SLC44A5: variants seen among roughly 807,000 people sequenced by gnomAD.
SLC44A5 encodes the protein choline transporter-like protein 5.
Under a neutral mutation model 101.8 loss-of-function variants are expected in SLC44A5, and 57 were observed. The observed-to-expected ratio is 0.56, with a 90% CI of 0.45 to 0.70. The LOEUF (loss-of-function observed/expected upper bound fraction) is 0.70, where lower values mean the gene tolerates loss of function less well. Among genes scored for constraint, SLC44A5 ranks in the 30% least tolerant of loss-of-function variants. The pLI, the probability that SLC44A5 is intolerant of heterozygous loss-of-function variation, is 0.00. For missense variants in SLC44A5, 737 were observed against 853.1 expected (o/e 0.86, Z 1.70); for synonymous variants, 281 against 290.9 (o/e 0.97, Z 0.35).
At chr1:75,647,541 A>G in the SLC44A5 span, among the ~76,000 whole-genome samples, 1 of 152,166 alleles carries the variant, frequency 6.6e-6, no homozygotes, top group Non-Finnish European at 1.5e-5. Context: ...GCACCTGGAA[A>G]AGCCACAGAT....
intron 5 of SLC44A5, among the ~76,000 whole-genome samples, chr1:75,283,340 A>T (rs1049825611): frequency 6.6e-6 from 1 of 151,756 alleles, no homozygotes; most frequent in East Asian, 1.9e-4. Flanking sequence ...CTTTTTGATC[A>T]GATTCTTTGG....
At chr1:75,240,095 C>T (rs1367615450) in intron 9 of SLC44A5, among the ~76,000 whole-genome samples, 4 of 151,912 alleles carry the variant, frequency 2.6e-5, no homozygotes, top group South Asian at 4.2e-4. Flanking sequence ...TAAATGTGTT[C>T]ATTACATATT....
the SLC44A5 span, among the ~76,000 whole-genome samples, chr1:75,678,231 AGG>A: frequency 2.6e-5 from 4 of 152,168 alleles, no homozygotes; most frequent in Non-Finnish European, 4.4e-5. Context: ...ACAAAGCAGC[AGG>A]GAAGCTCGAA....
the SLC44A5 span, among the ~76,000 whole-genome samples, chr1:75,626,407 G>A: frequency 6.6e-6 from 1 of 152,130 alleles, no homozygotes; most frequent in African/African-American, 2.4e-5. Context: ...CTGCAATGGT[G>A]TTCCATTGCT....
At chr1:75,453,111 T>G (rs2101666779) in intron 2 of SLC44A5, among the ~76,000 whole-genome samples, 1 of 152,230 alleles carries the variant, frequency 6.6e-6, no homozygotes, top group East Asian at 1.9e-4. Context: ...CACACAGAAA[T>G]TAATCCAAGA....
chr1:75,262,186 A>G (rs1197698988), intron 6 of SLC44A5, among the ~76,000 whole-genome samples: 1 of 152,234 alleles, frequency 6.6e-6, no homozygotes, highest in Non-Finnish European at 1.5e-5. Flanking sequence ...TGAAAAGAGG[A>G]AGTCAAATTG....
At chr1:75,595,648 C>T (rs1674590558) in intron 1 of SLC44A5, among the ~76,000 whole-genome samples, 1 of 152,132 alleles carries the variant, frequency 6.6e-6, no homozygotes, top group Non-Finnish European at 1.5e-5. Context: ...CACTGGCTGG[C>T]ACCAGGACTC....
the SLC44A5 span, among the ~76,000 whole-genome samples, chr1:75,697,992 G>C: frequency 1.4e-4 from 21 of 152,340 alleles, no homozygotes; most frequent in South Asian, 3.9e-3. Context: ...CACATGGCTT[G>C]GAGGGTCCTA....
intron 4 of SLC44A5, among the ~76,000 whole-genome samples, chr1:75,308,725 A>T (rs1655087794): frequency 6.6e-6 from 1 of 152,194 alleles, no homozygotes; most frequent in Admixed American, 6.5e-5. Flanking sequence ...ATCTGTTTGG[A>T]ACACTTTTTA....
chr1:75,686,909 T>C, the SLC44A5 span, among the ~76,000 whole-genome samples: 1 of 152,150 alleles, frequency 6.6e-6, no homozygotes, highest in Non-Finnish European at 1.5e-5. Flanking sequence ...TGGATTGTGA[T>C]ATGAGAGGAA....
upstream of SLC44A5, among the ~76,000 whole-genome samples, chr1:75,614,310 A>G (rs1320142238): frequency 6.6e-6 from 1 of 152,212 alleles, no homozygotes; most frequent in African/African-American, 2.4e-5. Context: ...GGGGGGAATC[A>G]GAGGTTTAAA....
At chr1:75,540,862 T>C (rs2101950519) in intron 2 of SLC44A5, among the ~76,000 whole-genome samples, 1 of 152,294 alleles carries the variant, frequency 6.6e-6, no homozygotes, top group African/African-American at 2.4e-5. Context: ...AGACCTAACC[T>C]ATGCCTGTAA....
At chr1:75,493,957 T>C (rs775741300) in intron 2 of SLC44A5, among the ~76,000 whole-genome samples, 12 of 152,188 alleles carry the variant, frequency 7.9e-5, no homozygotes, top group Non-Finnish European at 1.6e-4. Flanking sequence ...AGGTAAGCAA[T>C]CTCTAGTCCT....
rs1266368810 is a variant in SLC44A5, at chr1:75,227,767, A to G, written c.944T>C (p.Ile315Thr). The G allele has an allele frequency of 6.3e-7, 1 of 1,585,324 alleles. No homozygotes were observed. Among genetic ancestry groups the G allele is most frequent in the South Asian group, 1.2e-5 (1 of 84,550 alleles). ...TIYDIGIQTN[I>T]SMYFELQQTW... is the part of the protein sequence containing the mutation. ...TTGTTGCAGTTCAAAGTACATGCTT[A>G]TGTTAGTCTGAATCCCGATGTCATA... Residue 315 changes from isoleucine to threonine, a missense_variant, in exon 13 of 24, where the codon ATA becomes ACA. Ile to Thr is a moderately conservative substitution (Grantham distance 89). Transcript: ENST00000370859.
At chr1:75,548,509 C>A in intron 1 of SLC44A5, among the ~76,000 whole-genome samples, 1 of 152,022 alleles carries the variant, frequency 6.6e-6, no homozygotes, top group East Asian at 1.9e-4. Context: ...TTCTAGACTG[C>A]AGATTAAGAG....
chr1:75,487,428 T>C (rs962966134), intron 2 of SLC44A5, among the ~76,000 whole-genome samples: 2 of 152,166 alleles, frequency 1.3e-5, no homozygotes, highest in African/African-American at 4.8e-5. Flanking sequence ...CGAGACAAGA[T>C]AGAGTTTGGC....
intron 1 of SLC44A5, among the ~76,000 whole-genome samples, chr1:75,554,184 T>C (rs1672094093): frequency 6.6e-6 from 1 of 151,654 alleles, no homozygotes; most frequent in Non-Finnish European, 1.5e-5. Flanking sequence ...TTAAAAGTAA[T>C]TGAAGTATCA....
chr1:75,324,885 C>A (rs1047340396), intron 4 of SLC44A5, among the ~76,000 whole-genome samples: 3 of 151,930 alleles, frequency 2.0e-5, no homozygotes, highest in African/African-American at 7.3e-5. Context: ...ATAACAACAA[C>A]AAGGAAAAGA....
At chr1:75,492,019 G>C (rs1458651155) in intron 2 of SLC44A5, among the ~76,000 whole-genome samples, 1 of 152,112 alleles carries the variant, frequency 6.6e-6, no homozygotes, top group Non-Finnish European at 1.5e-5. Context: ...AAAGTATCCT[G>C]AAATAGCCTG....
Sources: gnomAD v4.1 joint callset for allele counts (sites outside exome capture counted in the v4.1 genomes callset) on GRCh38, gnomAD v4.1.1 for gene constraint, MANE v1.5 for transcripts, NCBI Gene and HGNC (gene_info 2026-07-23, HGNC 2026-07-21) for gene names.